SNED1: variants seen among roughly 807,000 people sequenced by gnomAD.
SNED1 encodes the protein sushi, nidogen and EGF-like domain-containing protein 1.
SNED1 carries 81 observed loss-of-function variants against 166.7 expected under a neutral mutation model. That is an observed-to-expected ratio of 0.49 (90% CI 0.41 to 0.58). The LOEUF (loss-of-function observed/expected upper bound fraction) is 0.58. Ranked by LOEUF, SNED1 falls within the 20% of genes least tolerant of loss-of-function variation. SNED1 has a pLI of 0.00. For synonymous variants in SNED1, 762 were observed against 822.0 expected (o/e 0.93, Z 1.25); for missense variants, 1,604 against 2,000.2 (o/e 0.80, Z 3.78).
In SNED1 at chr2:241,068,762, G is replaced by T; in HGVS notation, c.3195-149G>T. ...GAGCACACGGCTCTGAGGGCCATGAGTCTGCCCCTCGTGGAGGTTGCCTGG... is the reference window on the plus strand; with the variant it reads ...GAGCACACGGCTCTGAGGGCCATGATTCTGCCCCTCGTGGAGGTTGCCTGG... On this transcript the variant is annotated intron_variant, in intron 22 of 31. Coordinates refer to ENST00000310397, the MANE Select transcript of SNED1 (RefSeq NM_001080437.3). The surrounding 1 kb of genome is among the most constrained non-coding windows in gnomAD (Gnocchi z 5.3). 1.6e-6 allele frequency: 1 copy of T among 616,556 alleles called. No individual in the cohort carries two copies. 38.2% of individuals were successfully genotyped at this position (616,556 alleles called of 1,614,324 possible).
chr2:241,035,570 ACCGGGACCTGCC>A (rs1279385454), intron 4 of SNED1: 1 of 152,140 alleles, frequency 6.6e-6, no homozygotes, highest in East Asian at 1.9e-4. Context: ...TGAGGCTCGC[ACCGGGACCTGCC>A]CCAGACTCGC....
rs1249753975 is a variant in SNED1 at position 241,040,138 on chromosome 2, C to T, written c.1109C>T (p.Ser370Phe). ...GGCCAGTGCCAGGTGGAGAATGGCT[C>T]TGCGGTGTGTGTGTGCCAGGCCGGA... ...HGGQCQVENGSAVCVCQAGYT... is the reference protein window; with the variant it reads ...HGGQCQVENGFAVCVCQAGYT... Residue 370 changes from serine to phenylalanine, a missense_variant, in exon 7 of 32, where the codon TCT (serine) becomes TTT (phenylalanine). This residue lies in a region of SNED1 where 1,237 missense variants were observed against 1,620.8 expected (regional missense o/e 0.76). Transcript: ENST00000310397. 1.2e-6 allele frequency: 2 copies of T among 1,602,790 alleles called. No homozygotes were observed. The highest frequency in any genetic ancestry group is 8.5e-7 in the Non-Finnish European group (1 of 1,174,844).
intron 6 of SNED1, among the ~76,000 whole-genome samples, chr2:241,039,504 C>A (rs1289179743): frequency 6.6e-6 from 1 of 152,052 alleles, no homozygotes; most frequent in Non-Finnish European, 1.5e-5. Flanking sequence ...GCCAGGTGCT[C>A]TGGACTCAAG....
chr2:241,060,142 C>T (rs1487361314), intron 16 of SNED1, among the ~76,000 whole-genome samples: 4 of 151,318 alleles, frequency 2.6e-5, no homozygotes, highest in Non-Finnish European at 4.4e-5. Context: ...TTTTTAAATG[C>T]GTAAAAGGAA....
rs1028933155 is a variant in SNED1 at position 241,032,196 on chromosome 2, C to T, written c.502-1539C>T. On this transcript the variant is annotated intron_variant, in intron 2 of 31. Transcript: ENST00000310397. ...GAACTCCCCTCTCTACTAAAAATAC[C>T]GAAGTCAGCCGGGTGTGATGGCGGG... Among the ~76,000 whole-genome samples, 6 of 151,940 alleles carry T rather than the reference C, an allele frequency of 3.9e-5. No homozygotes were observed. In the East Asian group the frequency reaches 5.8e-4, roughly 15 times the overall value.
chr2:241,036,457 G>A (rs1395567582), intron 4 of SNED1, among the ~76,000 whole-genome samples: 1 of 152,134 alleles, frequency 6.6e-6, no homozygotes, highest in African/African-American at 2.4e-5. Context: ...AGGAACCCTG[G>A]AGGGGAGGCG....
rs772880284 is a variant in SNED1, at chr2:241,063,634, A to G, written c.2419A>G (p.Arg807Gly). ...CCCGTGCAGAAATGGAGGGTCCTGC[A>G]GGAACCTCCCAGGGGCCTATGTCTG... ...AHPCRNGGSC[R>G]NLPGAYVCRC... Residue 807 changes from arginine to glycine, a missense_variant, in exon 18 of 32, where the codon AGG (arginine) becomes GGG (glycine). Physicochemically the swap from Arg to Gly is moderately radical, Grantham distance 125. Transcript: ENST00000310397. The G allele has an allele frequency of 6.2e-7, 1 of 1,612,444 alleles. No homozygotes were observed. Among genetic ancestry groups the G allele is most frequent in the East Asian group, 2.2e-5 (1 of 44,828 alleles).
At position 241,068,922 on chromosome 2, in the gene SNED1, C is replaced by T; in HGVS notation, c.3206C>T (p.Pro1069Leu). 3.2e-6 allele frequency: 5 copies of T among 1,551,650 alleles called. No homozygotes were observed. The highest frequency in any genetic ancestry group is 4.4e-6 in the Non-Finnish European group (5 of 1,147,284). Reference sequence around the variant, plus strand: ...CCTCCTGCCCACAGGGCCCTGCTGCCTGGGAAGAGGTACACCATCCAGCTG... The same window carrying T: ...CCTCCTGCCCACAGGGCCCTGCTGCTTGGGAAGAGGTACACCATCCAGCTG... Reference protein sequence around the residue: ...VDRFTFRALLPGKRYTIQLTT... With the variant: ...VDRFTFRALLLGKRYTIQLTT... Residue 1069 changes from proline to leucine, a missense_variant, in exon 23 of 32, where the codon CCT becomes CTT. Physicochemically the swap from Pro to Leu is moderately conservative, Grantham distance 98. Around this residue, in one of 2 missense-constraint regions of SNED1, gnomAD observed 1,237 missense variants for 1,620.8 expected, o/e 0.76. Transcript: ENST00000310397. This position sits in a 1 kb window ranked among gnomAD's most constrained non-coding sequence, Gnocchi z 5.3.
chr2:241,062,998 T>C, intron 17 of SNED1, 94 bp downstream of exon 17: 1 of 738,948 alleles, frequency 1.4e-6, no homozygotes, highest in Non-Finnish European at 2.2e-6. Flanking sequence ...TCTGTCTGGA[T>C]GGCCAGGGTG....
Position 241,063,657 on chromosome 2 carries a change from C to G in SNED1, c.2442C>G (p.Val814=). ...GSCRNLPGAY[V]CRCPAGFVGV... ...GCAGGAACCTCCCAGGGGCCTATGT[C>G]TGCCGGTGCCCTGCAGGCTTCGTTG... Residue 814 remains valine (V), a synonymous_variant, in exon 18 of 32, where the codon GTC becomes GTG. Coordinates refer to ENST00000310397, the MANE Select transcript of SNED1 (RefSeq NM_001080437.3). The G allele has an allele frequency of 6.2e-7, 1 of 1,612,422 alleles. No individual in the cohort carries two copies. Among genetic ancestry groups the G allele is most frequent in the South Asian group, 1.1e-5 (1 of 90,616 alleles).
At chr2:241,050,744 A>G (rs979571305) in intron 12 of SNED1, among the ~76,000 whole-genome samples, 1 of 152,166 alleles carries the variant, frequency 6.6e-6, no homozygotes, top group Non-Finnish European at 1.5e-5. Flanking sequence ...GACCACCCTG[A>G]GGCCCTTCAT....
At chr2:241,046,860 AAGT>A (rs1392985588) in intron 8 of SNED1, among the ~76,000 whole-genome samples, 17 of 152,258 alleles carry the variant, frequency 1.1e-4, no homozygotes, top group Admixed American at 2.6e-4. Context: ...AAAAACCAAA[AAGT>A]AGCTGGCGTG....
At chr2:241,036,540 C>G (rs927700156) in intron 4 of SNED1, among the ~76,000 whole-genome samples, 1 of 152,068 alleles carries the variant, frequency 6.6e-6, no homozygotes, top group South Asian at 2.1e-4. Flanking sequence ...TGGTGTGAGT[C>G]GCTTCAGGGA....
At position 241,091,872 on chromosome 2, in the gene SNED1, G is replaced by C. The variant is rs907101629; in HGVS notation, c.*236G>C. The C allele has an allele frequency of 6.6e-6, 1 of 152,442 alleles. No homozygotes were observed. Among genetic ancestry groups the C allele is most frequent in the East Asian group, 1.9e-4 (1 of 5,210 alleles). The allele number at this position is 152,442 out of a possible 1,614,324, so 9.4% of individuals were successfully genotyped here. ...CAACCACCTGTGAGTCCTGCGATGC[G>C]TTTAAGCAGCCTGTGCCCTCACCCA... On this transcript the variant is annotated 3_prime_UTR_variant, in exon 32 of 32. Coordinates refer to ENST00000310397, the MANE Select transcript of SNED1 (RefSeq NM_001080437.3). This position sits in a 1 kb window ranked among gnomAD's most constrained non-coding sequence, Gnocchi z 4.1.
chr2:241,041,867 GA>G (rs2061529764), intron 8 of SNED1, among the ~76,000 whole-genome samples: 1 of 152,148 alleles, frequency 6.6e-6, no homozygotes, highest in South Asian at 2.1e-4. Context: ...TGGCCAACAA[GA>G]ATTAACTGCT....
rs757322411 is a variant in SNED1, at chr2:241,064,860, C to T, written c.2616C>T (p.Phe872=). Residue 872 remains phenylalanine, a synonymous_variant, in exon 20 of 32, where the codon TTC becomes TTT. Transcript: ENST00000310397. This position sits in a 1 kb window ranked among gnomAD's most constrained non-coding sequence, Gnocchi z 7.0. ...YHCETVSDPC[F]SSPCGGRGYC... ...TCCCCTCAGTGAGTGACCCCTGCTT[C>T]TCCAGCCCCTGTGGGGGCCGTGGCT... 2.4e-5 allele frequency: 38 copies of T among 1,587,974 alleles called. No homozygotes were observed. Among genetic ancestry groups the T allele is most frequent in the African/African-American group, 5.5e-5 (4 of 72,880 alleles).
chr2:241,002,165 C>T (rs1310391978), intron 1 of SNED1, among the ~76,000 whole-genome samples: 1 of 152,130 alleles, frequency 6.6e-6, no homozygotes, highest in Non-Finnish European at 1.5e-5. Flanking sequence ...GTGAAGCTCC[C>T]CCATCAGGTC....
intron 28 of SNED1, 93 bp downstream of exon 28, chr2:241,081,886 C>A: frequency 2.1e-6 from 2 of 958,552 alleles, no homozygotes; most frequent in Non-Finnish European, 3.2e-6. Context: ...GCCACGGGAG[C>A]CTCCAAACGA....
Position 241,071,776 on chromosome 2 carries a change from C to A in SNED1, c.3735-20C>A. 2 of 1,567,538 alleles carry A rather than the reference C, an allele frequency of 1.3e-6. No homozygotes were observed. Among genetic ancestry groups the A allele is most frequent in the Non-Finnish European group, 1.7e-6 (2 of 1,156,294 alleles). ...CGAGGCGGCGCTCGGACTGTGGTGA[C>A]CCTCCCACCCTCTCTGCAGGTTCTC... On this transcript the variant is annotated intron_variant, in intron 25 of 31. Transcript: ENST00000310397.
Sources: allele counts gnomAD v4.1 joint callset (sites outside exome capture counted in the v4.1 genomes callset), GRCh38; gene constraint gnomAD v4.1.1; regional missense constraint gnomAD v4.1.1; non-coding constraint Gnocchi (gnomAD v3.1); transcripts MANE v1.5; gene names NCBI Gene and HGNC (gene_info 2026-07-23, HGNC 2026-07-21).